Variants in FHOD3 observed in about 807,000 individuals in gnomAD.
FHOD3 encodes FH1/FH2 domain-containing protein 3.
Under a neutral mutation model 173.0 loss-of-function variants are expected in FHOD3, and 90 were observed. That is an observed-to-expected ratio of 0.52 (90% CI 0.44 to 0.62). The LOEUF (loss-of-function observed/expected upper bound fraction) is 0.62. Among genes scored for constraint, FHOD3 ranks in the 20% least tolerant of loss-of-function variants. The probability of loss-of-function intolerance (pLI) is 0.00; values close to 1 mark genes in which losing one functional copy is unlikely to be tolerated. For synonymous variants in FHOD3, 828 were observed against 823.0 expected, an observed-to-expected ratio of 1.01 and a Z score of -0.10; for missense variants, 1,945 against 2,034.7, an observed-to-expected ratio of 0.96 and a Z score of 0.85.
rs544917008 is a variant in FHOD3 at position 36,391,845 on chromosome 18, G to C, written c.337+19101G>C. Among the ~76,000 whole-genome samples the C allele has an allele frequency of 2.0e-5, 3 of 152,250 alleles. No homozygotes were observed. The South Asian group carries it at 6.2e-4, about 32-fold the overall frequency. ...ACCATGTGGCCCCCTGACTGTGTTG[G>C]TGCCTCCCCTGTGTCTGCTGACTCC... On this transcript the variant is annotated intron_variant, in intron 3 of 28. Transcript: ENST00000590592.
chr18:36,662,982 T>G (rs2036912764), intron 14 of FHOD3, among the ~76,000 whole-genome samples: 4 of 152,246 alleles, frequency 2.6e-5, no homozygotes, highest in Admixed American at 2.6e-4. Flanking sequence ...TGAAGTTCTT[T>G]ATAAACTGTG....
At chr18:36,604,522 TG>T (rs2031837193) in intron 8 of FHOD3, among the ~76,000 whole-genome samples, 2 of 152,164 alleles carry the variant, frequency 1.3e-5, no homozygotes, top group African/African-American at 4.8e-5. Flanking sequence ...TAGTTAACAT[TG>T]GTGGGGACGG....
chr18:36,651,839 A>T (rs1422457725), intron 11 of FHOD3, among the ~76,000 whole-genome samples: 2 of 152,228 alleles, frequency 1.3e-5, no homozygotes, highest in African/African-American at 4.8e-5. Context: ...ATCAATGAAC[A>T]TGTCTATCAC....
intron 10 of FHOD3, among the ~76,000 whole-genome samples, chr18:36,648,964 A>C (rs1478939662): frequency 6.6e-6 from 1 of 152,204 alleles, no homozygotes; most frequent in Non-Finnish European, 1.5e-5. Flanking sequence ...TGTGTGGAGG[A>C]GAAAAACCAC....
At chr18:36,403,678 A>G (rs527303117) in intron 3 of FHOD3, among the ~76,000 whole-genome samples, 1 of 152,252 alleles carries the variant, frequency 6.6e-6, no homozygotes, top group East Asian at 1.9e-4. Context: ...TACGGATTCC[A>G]TTAGGAATTG....
At chr18:36,703,823 T>G (rs1053333881) in intron 17 of FHOD3, among the ~76,000 whole-genome samples, 3 of 152,212 alleles carry the variant, frequency 2.0e-5, no homozygotes, top group African/African-American at 7.2e-5. Context: ...CATGGTCACA[T>G]TCTCCATCTG....
chr18:36,468,050 C>T (rs1479062071), intron 3 of FHOD3, among the ~76,000 whole-genome samples: 5 of 152,194 alleles, frequency 3.3e-5, no homozygotes, highest in African/African-American at 4.8e-5. Context: ...ATGTACTTCC[C>T]ACTTCCACTC....
intron 3 of FHOD3, among the ~76,000 whole-genome samples, chr18:36,422,810 T>C (rs2050054296): frequency 1.3e-5 from 2 of 152,236 alleles, no homozygotes; most frequent in South Asian, 4.1e-4. Context: ...ATTTAAGCAT[T>C]GACTGAAGCC....
At chr18:36,481,823 A>T (rs2053916141) in intron 3 of FHOD3, among the ~76,000 whole-genome samples, 1 of 152,150 alleles carries the variant, frequency 6.6e-6, no homozygotes, top group Admixed American at 6.5e-5. Context: ...TAAAAAAAAA[A>T]GTCTTTGCAC....
chr18:36,689,724 G>T (rs1320834007), intron 16 of FHOD3, among the ~76,000 whole-genome samples: 1 of 152,148 alleles, frequency 6.6e-6, no homozygotes, highest in Non-Finnish European at 1.5e-5. Flanking sequence ...TTCTGTTTGG[G>T]TTTGTTAGTC....
At chr18:36,443,734 A>G (rs1014549584) in intron 3 of FHOD3, among the ~76,000 whole-genome samples, 8 of 152,170 alleles carry the variant, frequency 5.3e-5, no homozygotes, top group South Asian at 2.1e-4. Flanking sequence ...AAATACAGCT[A>G]TATACAAATA....
chr18:36,652,496 CT>C, intron 11 of FHOD3, 73 bp from the exon 12 acceptor site: 3 of 1,451,760 alleles, frequency 2.1e-6, no homozygotes, highest in Admixed American at 2.5e-5. Context: ...GCCTGTCTCT[CT>C]TTTTCCTAAC....
At chr18:36,314,961 C>T (rs1000383229) in intron 1 of FHOD3, among the ~76,000 whole-genome samples, 1 of 152,100 alleles carries the variant, frequency 6.6e-6, no homozygotes, top group Non-Finnish European at 1.5e-5. Flanking sequence ...GCTTGACGTC[C>T]GAGGAAGTCT....
At chr18:36,439,345 C>T (rs534629240) in intron 3 of FHOD3, among the ~76,000 whole-genome samples, 1 of 152,244 alleles carries the variant, frequency 6.6e-6, no homozygotes, top group Non-Finnish European at 1.5e-5. Context: ...GAGGACCCTC[C>T]AGGTATGTTG....
intron 14 of FHOD3, among the ~76,000 whole-genome samples, chr18:36,678,964 ATGT>A (rs2038056796): frequency 6.6e-6 from 1 of 151,914 alleles, no homozygotes; most frequent in Non-Finnish European, 1.5e-5. Context: ...TTTCTTCTTT[ATGT>A]TGTCTGAAAC....
chr18:36,360,807 A>G (rs2046570707), intron 2 of FHOD3, among the ~76,000 whole-genome samples: 1 of 152,218 alleles, frequency 6.6e-6, no homozygotes, highest in African/African-American at 2.4e-5. Flanking sequence ...TCAAAATATC[A>G]GGTTTGAAGG....
intron 5 of FHOD3, among the ~76,000 whole-genome samples, chr18:36,565,104 C>T (rs1381267375): frequency 2.6e-5 from 4 of 152,052 alleles, no homozygotes; most frequent in Non-Finnish European, 4.4e-5. Context: ...TTAGGGCAGA[C>T]AATTAAGTGG....
chr18:36,479,507 C>G (rs1391606598), intron 3 of FHOD3, among the ~76,000 whole-genome samples: 3 of 152,054 alleles, frequency 2.0e-5, no homozygotes, highest in African/African-American at 7.3e-5. Context: ...AAAATTTCTG[C>G]CACATTGTAA....
At chr18:36,690,634 A>G (rs928283085) in intron 16 of FHOD3, among the ~76,000 whole-genome samples, 1 of 151,956 alleles carries the variant, frequency 6.6e-6, no homozygotes, top group African/African-American at 2.4e-5. Context: ...GTACCAGCCC[A>G]CCGCCTTCAC....
Sources: allele counts gnomAD v4.1 joint callset (sites outside exome capture counted in the v4.1 genomes callset), GRCh38; gene constraint gnomAD v4.1.1; transcripts MANE v1.5; gene names NCBI Gene and HGNC (gene_info 2026-07-23, HGNC 2026-07-21).